Variants in SLCO1B1 observed in about 807,000 individuals in gnomAD.
SLCO1B1 encodes the protein OATP-2.
A neutral mutation model predicts 70.1 loss-of-function variants in SLCO1B1; 81 were observed. The observed-to-expected ratio is 1.16, with a 90% CI of 0.97 to 1.39. The LOEUF (loss-of-function observed/expected upper bound fraction) is 1.39, where lower values mean the gene tolerates loss of function less well. SLCO1B1 is among the 40% of genes most tolerant of loss of function. The pLI is 0.00. For missense variants in SLCO1B1, 895 were observed against 799.6 expected, an observed-to-expected ratio of 1.12 and a Z score of -1.44; for synonymous variants, 283 against 271.5, an observed-to-expected ratio of 1.04 and a Z score of -0.42.
At chr12:21,193,380 T>C (rs974818184) in intron 7 of SLCO1B1, among the ~76,000 whole-genome samples, 13 of 152,150 alleles carry the variant, frequency 8.5e-5, no homozygotes, top group African/African-American at 2.9e-4. Flanking sequence ...TTGGTATCCA[T>C]AGGGAGTCCT....
intron 2 of SLCO1B1, among the ~76,000 whole-genome samples, chr12:21,143,907 ATGT>A (rs772242912): frequency 2.8e-4 from 43 of 152,216 alleles, no homozygotes; most frequent in Middle Eastern, 3.4e-3. Flanking sequence ...CCAAATATAC[ATGT>A]TGTTACTGAC....
At chr12:21,198,844 G>C (rs1941125109) in intron 8 of SLCO1B1, among the ~76,000 whole-genome samples, 1 of 152,014 alleles carries the variant, frequency 6.6e-6, no homozygotes. Context: ...ATGATATATA[G>C]TAGATCATGA....
chr12:21,139,941 A>G (rs1940284096), intron 1 of SLCO1B1, among the ~76,000 whole-genome samples: 1 of 152,160 alleles, frequency 6.6e-6, no homozygotes, highest in South Asian at 2.1e-4. Flanking sequence ...TCTGAGGGAA[A>G]AGATACATAT....
chr12:21,147,197 G>A (rs1940399022), intron 2 of SLCO1B1, among the ~76,000 whole-genome samples: 1 of 152,032 alleles, frequency 6.6e-6, no homozygotes, highest in Non-Finnish European at 1.5e-5. Context: ...TAATTTCCTT[G>A]CTTTAGAGTC....
At chr12:21,203,575 T>C (rs1941181775) in intron 10 of SLCO1B1, among the ~76,000 whole-genome samples, 1 of 152,018 alleles carries the variant, frequency 6.6e-6, no homozygotes, top group African/African-American at 2.4e-5. Flanking sequence ...TTGTCAAATA[T>C]TCCCACATTT....
chr12:21,218,462 G>GAA (rs4149101), intron 12 of SLCO1B1, among the ~76,000 whole-genome samples: 8 of 148,150 alleles, frequency 5.4e-5, no homozygotes, highest in East Asian at 2.0e-4. Flanking sequence ...TGGTAGAGAT[G>GAA]AAAAAAAAAA....
chr12:21,180,138 A>G (rs1940876572), intron 7 of SLCO1B1, among the ~76,000 whole-genome samples: 1 of 152,122 alleles, frequency 6.6e-6, no homozygotes, highest in Non-Finnish European at 1.5e-5. Flanking sequence ...ATTAGTACCT[A>G]AAGCACAATA....
chr12:21,209,718 CTGT>C, intron 11 of SLCO1B1, among the ~76,000 whole-genome samples: 1 of 151,164 alleles, frequency 6.6e-6, no homozygotes, highest in African/African-American at 2.4e-5. Context: ...TCTCCAGCAC[CTGT>C]TGTTTCCTGA....
chr12:21,189,187 T>G (rs1565677075), intron 7 of SLCO1B1, among the ~76,000 whole-genome samples: 2 of 152,188 alleles, frequency 1.3e-5, no homozygotes. Context: ...GGAATCTTTA[T>G]AATACCTTTT....
intron 9 of SLCO1B1, 48 bp from the exon 10 acceptor site, chr12:21,202,443 T>C: frequency 8.5e-7 from 1 of 1,173,732 alleles, no homozygotes; most frequent in Non-Finnish European, 1.2e-6. Context: ...TATAAAGACA[T>C]ATCAGAAAAC....
chr12:21,134,619 C>G (rs145495992), intron 1 of SLCO1B1, among the ~76,000 whole-genome samples: 19,920 of 151,998 alleles, frequency 0.13, 1,798 homozygotes, highest in Middle Eastern at 0.23. Context: ...GTTTATTTGC[C>G]TAGAGGTGTT....
At position 21,142,070 on chromosome 12, in the gene SLCO1B1, T is replaced by TAA. The variant is rs4149093; in HGVS notation, c.84+422_84+423dup. Among the ~76,000 whole-genome samples, 169 of 147,420 alleles carry TAA rather than the reference T, an allele frequency of 1.1e-3. 1 individual carries two copies. Among genetic ancestry groups the TAA allele is most frequent in the South Asian group, 8.7e-3 (41 of 4,730 alleles). Reference sequence around the variant, plus strand: ...ATACTGACTTATTTAAAAATTCTTTTAAAAAAAAAAACAAAAAACAGGATT... The same window carrying TAA: ...ATACTGACTTATTTAAAAATTCTTTTAAAAAAAAAAAAACAAAAAACAGGATT... On this transcript the variant is annotated intron_variant, in intron 2 of 14. Coordinates refer to ENST00000256958, the MANE Select transcript of SLCO1B1 (RefSeq NM_006446.5).
chr12:21,132,854 T>A (rs1940161428), intron 1 of SLCO1B1, among the ~76,000 whole-genome samples: 2 of 152,020 alleles, frequency 1.3e-5, no homozygotes, highest in African/African-American at 4.8e-5. Flanking sequence ...TCATTTGTCA[T>A]TTTTGGCTTT....
chr12:21,141,630 AG>A lies in SLCO1B1; in HGVS notation c.57del (p.Thr21GlnfsTer7), dbSNP rs755776876. On this transcript the variant is annotated frameshift_variant, in exon 2 of 15. Coordinates refer to ENST00000256958, the MANE Select transcript of SLCO1B1 (RefSeq NM_006446.5). LOFTEE classifies it high-confidence loss of function. ...KTAEAQPSEN[K>X]KTRYCNGLKM... ...GCAGAGGCACAACCTTCAGAGAATA[AG>A]AAAACAAGATACTGCAATGGATTGA... 4 of 1,608,160 alleles carry A rather than the reference AG, an allele frequency of 2.5e-6. No homozygotes were observed. The highest frequency in any genetic ancestry group is 3.4e-6 in the Non-Finnish European group (4 of 1,175,724).
intron 13 of SLCO1B1, among the ~76,000 whole-genome samples, chr12:21,223,769 C>T (rs1423724941): frequency 6.6e-6 from 1 of 151,918 alleles, no homozygotes; most frequent in African/African-American, 2.4e-5. Context: ...AAGTTATGAA[C>T]ACTTTAGTTG....
intron 12 of SLCO1B1, 90 bp downstream of exon 12, chr12:21,217,393 T>A: frequency 1.0e-6 from 1 of 1,000,742 alleles, no homozygotes; most frequent in Non-Finnish European, 1.5e-6. Context: ...TACTGGGAAT[T>A]CAAATTCATA....
chr12:21,201,465 T>C (rs192850908), intron 9 of SLCO1B1, among the ~76,000 whole-genome samples: 354 of 152,282 alleles, frequency 2.3e-3, no homozygotes, highest in African/African-American at 8.2e-3. Flanking sequence ...TTAACTCTTA[T>C]TAGACAAAGA....
At chr12:21,207,506 A>G (rs1183537267) in intron 11 of SLCO1B1, among the ~76,000 whole-genome samples, 10 of 151,968 alleles carry the variant, frequency 6.6e-5, no homozygotes, top group Admixed American at 6.6e-4. Context: ...TCCATTGTCT[A>G]TATGTACCAC....
intron 11 of SLCO1B1, among the ~76,000 whole-genome samples, chr12:21,211,255 G>C (rs1404428653): frequency 6.6e-6 from 1 of 152,168 alleles, no homozygotes; most frequent in Admixed American, 6.5e-5. Flanking sequence ...AATTTATTGA[G>C]AGTTTTTAGC....
Sources: allele counts gnomAD v4.1 joint callset (sites outside exome capture counted in the v4.1 genomes callset), GRCh38; gene constraint gnomAD v4.1.1; transcripts MANE v1.5; gene names NCBI Gene and HGNC (gene_info 2026-07-23, HGNC 2026-07-21).